DHX34: variants seen among roughly 807,000 people sequenced by gnomAD.
DHX34 encodes the protein DExH-box helicase 34.
Under a neutral mutation model 111.1 loss-of-function variants are expected in DHX34, and 96 were observed. That is an observed-to-expected ratio of 0.86 (90% CI 0.73 to 1.02). The LOEUF (loss-of-function observed/expected upper bound fraction) is 1.02, where lower values mean the gene tolerates loss of function less well. DHX34 is among the 50% of genes least tolerant of loss of function. The pLI is 0.00. For synonymous variants in DHX34, 688 were observed against 670.4 expected (o/e 1.03, Z -0.41); for missense variants, 1,560 against 1,579.9 (o/e 0.99, Z 0.21).
chr19:47,381,906 G>A (rs1028130768), intron 16 of DHX34, 74 bp from the exon 17 acceptor site: 16 of 1,600,490 alleles, frequency 1.0e-5, no homozygotes, highest in Admixed American at 9.0e-5. Context: ...CCCCACAGGT[G>A]CCTGGCATTT....
chr19:47,373,695 T>A lies in DHX34; in HGVS notation c.2059T>A (p.Phe687Ile), dbSNP rs750105362. 6.2e-7 allele frequency: 1 copy of A among 1,613,386 alleles called. No individual in the cohort carries two copies. Among genetic ancestry groups the A allele is most frequent in the Non-Finnish European group, 8.5e-7 (1 of 1,179,740 alleles). Residue 687 changes from phenylalanine (F) to isoleucine (I), a missense_variant, in exon 9 of 17, where the codon TTC becomes ATC. Transcript: ENST00000328771. ...LYEMANLRRQ[F>I]KELLEDHGLL... ...CGAAATGGCCAACCTTCGGCGCCAG[T>A]TCAAGGTGAGGCTCGGGAGGAGGGG...
chr19:47,376,182 G>T, intron 11 of DHX34, 85 bp downstream of exon 11: 1 of 1,501,508 alleles, frequency 6.7e-7, no homozygotes, highest in South Asian at 1.3e-5. Flanking sequence ...ATGCAGTGGT[G>T]ACTGAAACAA....
At position 47,367,212 on chromosome 19, in the gene DHX34, G is replaced by T. The variant is rs1365033950; in HGVS notation, c.1768+57G>T. ...GGCCCCAGGAGCGGGTATGGGCACA[G>T]CTCACTCTCTGAGTGGCCTGGGGGC... On this transcript the variant is annotated intron_variant, in intron 7 of 16. Coordinates refer to ENST00000328771, the MANE Select transcript of DHX34 (RefSeq NM_014681.6). 9 of 1,358,820 alleles carry T rather than the reference G, an allele frequency of 6.6e-6. No individual in the cohort carries two copies. In the South Asian group the frequency reaches 1.7e-4, roughly 25 times the overall value. 84.2% of individuals were successfully genotyped at this position (1,358,820 alleles called of 1,614,324 possible). A position where few individuals can be genotyped will look rare whatever the true frequency, so the allele number is the denominator to read the frequency against.
chr19:47,379,821 C>G lies in DHX34; in HGVS notation c.2818C>G (p.Leu940Val). The G allele has an allele frequency of 6.2e-7, 1 of 1,613,858 alleles. No homozygotes were observed. Among genetic ancestry groups the G allele is most frequent in the South Asian group, 1.1e-5 (1 of 91,084 alleles). The change falls in exon 14 of 17, where the codon CTG (leucine) becomes GTG (valine). Residue 940 changes from leucine (L) to valine (V), a missense_variant. Coordinates refer to ENST00000328771, the MANE Select transcript of DHX34 (RefSeq NM_014681.6). ...AGACAGTGAAAGTGCCATCCGACTCCTGGCGGCTTCCCTGCGGCTCCGTGC... is the reference window on the plus strand; with the variant it reads ...AGACAGTGAAAGTGCCATCCGACTCGTGGCGGCTTCCCTGCGGCTCCGTGC... ...LADSESAIRL[L>V]AASLRLRARW...
rs1486965793 is a variant in DHX34, at chr19:47,381,238, A to C, written c.3212A>C (p.His1071Pro). Residue 1071 changes from histidine to proline, a missense_variant, in exon 16 of 17, where the codon CAC (histidine) becomes CCC (proline). His to Pro is a moderately conservative substitution (Grantham distance 77, BLOSUM62 -2). Transcript: ENST00000328771. ...DCLRTFWTCP[H>P]CGLHAPLTPL... ...CTCCGAACCTTCTGGACCTGCCCCC[A>C]CTGTGGCCTGCATGCGCCCCTCACG... 1 of 1,614,030 alleles carries C rather than the reference A, an allele frequency of 6.2e-7. No homozygotes were observed. The highest frequency in any genetic ancestry group is 1.1e-5 in the South Asian group (1 of 91,088).
At chr19:47,360,092 T>G in intron 5 of DHX34, 22 bp downstream of exon 5, 181 of 1,608,288 alleles carry the variant, frequency 1.1e-4, no homozygotes, top group Non-Finnish European at 1.4e-4. Flanking sequence ...CATGAGCCCC[T>G]ACCCACCACC....
chr19:47,381,481 G>C (rs1395002416), intron 16 of DHX34, 157 bp downstream of exon 16: 52 of 1,125,484 alleles, frequency 4.6e-5, no homozygotes, highest in Non-Finnish European at 6.0e-5. Context: ...TTGTCCTGAA[G>C]ATCAGGAGCC....
chr19:47,355,018 C>T (rs1568394062), intron 2 of DHX34, 21 bp from the exon 3 acceptor site: 4 of 1,611,024 alleles, frequency 2.5e-6, no homozygotes, highest in Admixed American at 1.7e-5. Context: ...CTCTCCTGAT[C>T]CTTTCTTTCT....
At chr19:47,381,931 C>T (rs578088668) in intron 16 of DHX34, 49 bp from the exon 17 acceptor site, 65 of 1,612,930 alleles carry the variant, frequency 4.0e-5, no homozygotes, top group Non-Finnish European at 5.3e-5. Flanking sequence ...GCAGGTAGAC[C>T]TGTGCACTGG....
At chr19:47,375,269 C>T (rs1395199854) in intron 9 of DHX34, 197 bp from the exon 10 acceptor site, 17 of 985,120 alleles carry the variant, frequency 1.7e-5, no homozygotes, top group Non-Finnish European at 2.0e-5. Flanking sequence ...TTGCCCCTGG[C>T]CCCGGTGTTC....
chr19:47,369,403 A>G (rs1463781228), intron 7 of DHX34, among the ~76,000 whole-genome samples: 1 of 152,148 alleles, frequency 6.6e-6, no homozygotes, highest in East Asian at 1.9e-4. Context: ...CGGCCTTTCA[A>G]ACTGCTGGGA....
Position 47,353,614 on chromosome 19 carries a change from T to C in DHX34, c.584T>C (p.Val195Ala), listed in dbSNP as rs1226646719. The change falls in exon 2 of 17, where the codon GTG becomes GCG. Residue 195 changes from valine (V) to alanine (A), a missense_variant. Physicochemically the swap from Val to Ala is moderately conservative, Grantham distance 64 (BLOSUM62 0). Transcript: ENST00000328771. The surrounding 1 kb of genome is among the most constrained non-coding windows in gnomAD (Gnocchi z 4.6). ...ACCGGCTGTGGCAAGTCCACTCAGG[T>C]GCCCCAGTACCTGCTGGCTGCTGGC... ...GDTGCGKSTQVPQYLLAAGFS... is the reference protein window; with the variant it reads ...GDTGCGKSTQAPQYLLAAGFS... 1 of 1,613,264 alleles carries C rather than the reference T, an allele frequency of 6.2e-7. No individual in the cohort carries two copies. The highest frequency in any genetic ancestry group is 1.7e-5 in the Admixed American group (1 of 60,006).
Position 47,366,988 on chromosome 19 carries a change from G to A in DHX34, c.1601G>A (p.Ser534Asn), listed in dbSNP as rs1162200099. Reference sequence around the variant, plus strand: ...TTTTGCTTCTCATTCTAGATGAAGAGCATGAGTGTGGGGGACCCCCGAACC... The same window carrying A: ...TTTTGCTTCTCATTCTAGATGAAGAACATGAGTGTGGGGGACCCCCGAACC... ...ALDSLVLQMK[S>N]MSVGDPRTFP... is the part of the protein sequence containing the mutation. Residue 534 changes from serine (S) to asparagine (N), a missense_variant, in exon 7 of 17, where the codon AGC (serine) becomes AAC (asparagine). By Grantham distance (46) the Ser-to-Asn change is conservative (BLOSUM62 1). Transcript: ENST00000328771. The A allele has an allele frequency of 4.5e-6, 7 of 1,553,450 alleles. No individual in the cohort carries two copies. The highest frequency in any genetic ancestry group is 1.8e-4 in the Middle Eastern group (1 of 5,690).
Position 47,353,751 on chromosome 19 carries a change from C to A in DHX34, c.705+16C>A. 1 of 1,534,090 alleles carries A rather than the reference C, an allele frequency of 6.5e-7. No homozygotes were observed. Among genetic ancestry groups the A allele is most frequent in the South Asian group, 1.2e-5 (1 of 82,362 alleles). On this transcript the variant is annotated intron_variant, in intron 2 of 16. Coordinates refer to ENST00000328771, the MANE Select transcript of DHX34 (RefSeq NM_014681.6). This position sits in a 1 kb window ranked among gnomAD's most constrained non-coding sequence, Gnocchi z 4.6. ...TGGCTCACAGGTGAGTGGGACGCAC[C>A]AGGTTTCCGATTTTTCCAGCGTGAC...
intron 7 of DHX34, 194 bp from the exon 8 acceptor site, chr19:47,372,536 C>T (rs1276504477): frequency 4.3e-6 from 4 of 932,708 alleles, no homozygotes; most frequent in African/African-American, 3.6e-5. Context: ...AACTGAGGCC[C>T]TTGCCCATGG....
intron 5 of DHX34, among the ~76,000 whole-genome samples, chr19:47,361,734 TG>T (rs1012146962): frequency 2.6e-5 from 4 of 152,126 alleles, no homozygotes; most frequent in Non-Finnish European, 4.4e-5. Context: ...ATTGTGCCAT[TG>T]CACTCCAGCC....
chr19:47,375,132 G>A (rs900528799), intron 9 of DHX34, among the ~76,000 whole-genome samples: 1 of 152,206 alleles, frequency 6.6e-6, no homozygotes, highest in Non-Finnish European at 1.5e-5. Flanking sequence ...AGAAGCACTA[G>A]TGCAGGACGC....
In DHX34 at chr19:47,380,922, C is replaced by T; in HGVS notation, c.3089C>T (p.Ser1030Phe). 2.5e-6 allele frequency: 4 copies of T among 1,611,736 alleles called. No individual in the cohort carries two copies. The highest frequency in any genetic ancestry group is 3.4e-6 in the Non-Finnish European group (4 of 1,178,898). ...TPHLPGLFGS[S>F]TLSPHPTKGG... is the part of the protein sequence containing the mutation. ...CATCTTCCTGGCCTCTTTGGCAGCT[C>T]CACCCTGTCCCCCCACCCCACAAAG... is the stretch of plus-strand genomic sequence containing the variant. Residue 1030 changes from serine to phenylalanine, a missense_variant, in exon 15 of 17, where the codon TCC (serine) becomes TTC (phenylalanine). Coordinates refer to ENST00000328771, the MANE Select transcript of DHX34 (RefSeq NM_014681.6).
chr19:47,354,917 G>A (rs1969404781), intron 2 of DHX34, 122 bp from the exon 3 acceptor site: 1 of 1,502,298 alleles, frequency 6.7e-7, no homozygotes. Context: ...GCCTCCCAAA[G>A]TGCTGGGATT....
Sources: allele counts gnomAD v4.1 joint callset (sites outside exome capture counted in the v4.1 genomes callset), GRCh38; gene constraint gnomAD v4.1.1; non-coding constraint Gnocchi (gnomAD v3.1); transcripts MANE v1.5; gene names NCBI Gene and HGNC (gene_info 2026-07-23, HGNC 2026-07-21).